The following STMN2 variants were observed in gnomAD, a reference collection of about 807,000 sequenced individuals.
The protein encoded by STMN2 is stathmin 2, also known as stathmin-2.
STMN2 carries 2 observed loss-of-function variants against 24.1 expected under a neutral mutation model. That is an observed-to-expected ratio of 0.08 (90% confidence interval 0.03 to 0.26). STMN2 has a LOEUF of 0.26. STMN2 is among the 10% of genes least tolerant of loss of function. The pLI is 1.00. For synonymous variants in STMN2, 83 were observed against 77.5 expected (o/e 1.07, Z -0.37); for missense variants, 114 against 213.6 (o/e 0.53, Z 2.91).
chr8:79,635,634 C>A (rs1183594064), intron 1 of STMN2, among the ~76,000 whole-genome samples: 1 of 152,142 alleles, frequency 6.6e-6, no homozygotes, highest in East Asian at 1.9e-4. Context: ...GACCCATAAT[C>A]CTAAGTGAAT....
chr8:79,625,174 A>G (rs948703038), intron 1 of STMN2, among the ~76,000 whole-genome samples: 11 of 152,060 alleles, frequency 7.2e-5, no homozygotes, highest in Non-Finnish European at 1.5e-4. Flanking sequence ...TTTTTGCACT[A>G]TAGACTTTTT....
At chr8:79,619,882 T>A (rs1001299571) in intron 1 of STMN2, among the ~76,000 whole-genome samples, 1 of 152,050 alleles carries the variant, frequency 6.6e-6, no homozygotes, top group Non-Finnish European at 1.5e-5. Context: ...TTTTATTATA[T>A]TTCTGATGAT....
At chr8:79,661,513 A>G (rs1029355518) in intron 4 of STMN2, among the ~76,000 whole-genome samples, 2 of 152,094 alleles carry the variant, frequency 1.3e-5, no homozygotes, top group African/African-American at 2.4e-5. Flanking sequence ...ACTGTTGAAC[A>G]TGTCTGATGA....
chr8:79,627,638 G>C (rs1809688186), intron 1 of STMN2, among the ~76,000 whole-genome samples: 1 of 152,190 alleles, frequency 6.6e-6, no homozygotes. Flanking sequence ...TGAAATTCAA[G>C]ACATTAATTT....
At chr8:79,633,875 T>C (rs916859176) in intron 1 of STMN2, among the ~76,000 whole-genome samples, 1 of 152,228 alleles carries the variant, frequency 6.6e-6, no homozygotes, top group Non-Finnish European at 1.5e-5. Flanking sequence ...CACTTCTCTT[T>C]ATTAGCTTGT....
chr8:79,648,034 A>G (rs1392703651), intron 3 of STMN2, among the ~76,000 whole-genome samples: 3 of 152,218 alleles, frequency 2.0e-5, no homozygotes, highest in Non-Finnish European at 4.4e-5. Context: ...CTTTACTCTC[A>G]TAAGTGTTCC....
chr8:79,651,473 G>A (rs902596665), intron 3 of STMN2, among the ~76,000 whole-genome samples: 5 of 152,186 alleles, frequency 3.3e-5, no homozygotes, highest in African/African-American at 1.2e-4. Flanking sequence ...ACAGGAGTTT[G>A]TTCATGCAGA....
chr8:79,611,210 A>G lies in STMN2; in HGVS notation c.15A>G (p.Ala5=), dbSNP rs766823855. The change falls in exon 1 of 5, where the codon GCA becomes GCG. Residue 5 remains alanine (A), a synonymous_variant. Coordinates refer to ENST00000220876, the MANE Select transcript of STMN2 (RefSeq NM_007029.4). ...ACATCCCTACAATGGCTAAAACAGC[A>G]ATGGGTAAGGCACTGCGCCTCGTTC... MAKT[A]MAYKEKMKEL... 2 of 1,613,970 alleles carry G rather than the reference A, an allele frequency of 1.2e-6. No individual in the cohort carries two copies. The highest frequency in any genetic ancestry group is 1.7e-6 in the Non-Finnish European group (2 of 1,180,038).
chr8:79,620,196 A>G (rs1469077197), intron 1 of STMN2, among the ~76,000 whole-genome samples: 1 of 148,304 alleles, frequency 6.7e-6, no homozygotes, highest in Non-Finnish European at 1.5e-5. Context: ...TAATATATAT[A>G]TTACATATAA....
chr8:79,664,905 T>G lies in STMN2; in HGVS notation c.*31T>G. 6.2e-7 allele frequency: 1 copy of G among 1,605,462 alleles called. No individual in the cohort carries two copies. Among genetic ancestry groups the G allele is most frequent in the Non-Finnish European group, 8.5e-7 (1 of 1,175,734 alleles). ...GGGAGGGTCTGGCACGCCCCACCAA[T>G]AGTAAATCCCCCTGCCTATATTATA... On this transcript the variant is annotated 3_prime_UTR_variant, in exon 5 of 5. Coordinates refer to ENST00000220876, the MANE Select transcript of STMN2 (RefSeq NM_007029.4).
At chr8:79,656,055 C>G (rs374368237) in intron 4 of STMN2, among the ~76,000 whole-genome samples, 7 of 152,182 alleles carry the variant, frequency 4.6e-5, no homozygotes, top group African/African-American at 1.7e-4. Context: ...CCCTTCTCAT[C>G]TAAGGTTCAA....
chr8:79,643,751 A>G (rs17524995), intron 3 of STMN2, among the ~76,000 whole-genome samples: 15,880 of 152,228 alleles, frequency 0.1, 1,161 homozygotes, highest in Middle Eastern at 0.16. Context: ...ATACATTTAA[A>G]CAATTGAATT....
chr8:79,625,920 C>T (rs1809642196), intron 1 of STMN2, among the ~76,000 whole-genome samples: 1 of 152,182 alleles, frequency 6.6e-6, no homozygotes, highest in Non-Finnish European at 1.5e-5. Context: ...GATCATGCCA[C>T]TGCACTCCAG....
At chr8:79,633,073 G>A (rs1383183509) in intron 1 of STMN2, among the ~76,000 whole-genome samples, 1 of 151,804 alleles carries the variant, frequency 6.6e-6, no homozygotes, top group Non-Finnish European at 1.5e-5. Flanking sequence ...TTATTCATTT[G>A]TGTCTTAAGT....
chr8:79,646,920 G>T (rs1205760820), intron 3 of STMN2, among the ~76,000 whole-genome samples: 13 of 152,186 alleles, frequency 8.5e-5, no homozygotes, highest in Non-Finnish European at 1.8e-4. Context: ...AGGTTTCAGA[G>T]CAGTGGGTAG....
chr8:79,657,777 C>T (rs192688816), intron 4 of STMN2, among the ~76,000 whole-genome samples: 1 of 152,172 alleles, frequency 6.6e-6, no homozygotes, highest in Non-Finnish European at 1.5e-5. Flanking sequence ...GGATTTAATA[C>T]AAAATTGTGG....
chr8:79,629,289 T>C (rs1481433518), intron 1 of STMN2, among the ~76,000 whole-genome samples: 1 of 152,158 alleles, frequency 6.6e-6, no homozygotes, highest in African/African-American at 2.4e-5. Context: ...TTTACAAGTA[T>C]AAAATAGAAT....
At chr8:79,632,960 G>A (rs980721312) in intron 1 of STMN2, among the ~76,000 whole-genome samples, 2 of 152,158 alleles carry the variant, frequency 1.3e-5, no homozygotes, top group African/African-American at 2.4e-5. Flanking sequence ...CAGTGGCTCC[G>A]AATTCAGTTA....
chr8:79,653,144 G>A (rs1370271485), intron 3 of STMN2, among the ~76,000 whole-genome samples: 1 of 152,032 alleles, frequency 6.6e-6, no homozygotes, highest in Non-Finnish European at 1.5e-5. Context: ...TTGGGAGGCC[G>A]AGGCGGGTGG....
Sources: gnomAD v4.1 joint callset for allele counts (sites outside exome capture counted in the v4.1 genomes callset) on GRCh38, gnomAD v4.1.1 for gene constraint, MANE v1.5 for transcripts, NCBI Gene and HGNC (gene_info 2026-07-23, HGNC 2026-07-21) for gene names.